Variants in ZSWIM8 observed in about 807,000 individuals in gnomAD.
The protein encoded by ZSWIM8 is zinc finger SWIM-type containing 8.
ZSWIM8 carries 27 observed loss-of-function variants against 173.7 expected under a neutral mutation model. That is an observed-to-expected ratio of 0.16 (90% CI 0.11 to 0.21). The LOEUF is 0.21. Among genes scored for constraint, ZSWIM8 ranks in the 10% least tolerant of loss-of-function variants. ZSWIM8 has a pLI of 1.00. For synonymous variants in ZSWIM8, 958 were observed against 962.0 expected (o/e 1.00, Z 0.08); for missense variants, 1,627 against 2,428.8 (o/e 0.67, Z 6.94).
rs567195574 is a variant in ZSWIM8, at chr10:73,791,378, G to T, written c.1198G>T (p.Gly400Trp). 1 of 1,613,824 alleles carries T rather than the reference G, an allele frequency of 6.2e-7. No individual in the cohort carries two copies. Among genetic ancestry groups the T allele is most frequent in the African/African-American group, 1.3e-5 (1 of 75,050 alleles). ...RTSASHSSAS[G>W]HTGRSNGQSE... ...CTCAGCCTCACACAGCAGTGCCAGTGGGCACACGGGCCGTAGCAACGGGCA... is the reference window on the plus strand; with the variant it reads ...CTCAGCCTCACACAGCAGTGCCAGTTGGCACACGGGCCGTAGCAACGGGCA... Residue 400 changes from glycine (G) to tryptophan (W), a missense_variant, in exon 9 of 26, where the codon GGG becomes TGG. Physicochemically the swap from Gly to Trp is radical, Grantham distance 184. Coordinates refer to ENST00000604729, the MANE Select transcript of ZSWIM8 (RefSeq NM_001367799.1). This position sits in a 1 kb window ranked among gnomAD's most constrained non-coding sequence, Gnocchi z 6.0.
Position 73,792,223 on chromosome 10 carries a change from G to T in ZSWIM8, c.1684G>T (p.Gly562Cys). Residue 562 changes from glycine to cysteine, a missense_variant, in exon 10 of 26, where the codon GGT (glycine) becomes TGT (cysteine). Coordinates refer to ENST00000604729, the MANE Select transcript of ZSWIM8 (RefSeq NM_001367799.1). This position sits in a 1 kb window ranked among gnomAD's most constrained non-coding sequence, Gnocchi z 4.3. ...LGEGVPSSQR[G>C]PRRLSAEGGD... ...TGAGGGGGTCCCCTCATCACAGCGG[G>T]GTCCCCGCCGCCTCTCAGCTGAAGG... 6.4e-7 allele frequency: 1 copy of T among 1,553,454 alleles called. No homozygotes were observed. Among genetic ancestry groups the T allele is most frequent in the Non-Finnish European group, 8.7e-7 (1 of 1,149,532 alleles).
chr10:73,793,487 T>A (rs2083495503), intron 10 of ZSWIM8, 101 bp from the exon 11 acceptor site: 1 of 1,368,676 alleles, frequency 7.3e-7, no homozygotes, highest in African/African-American at 1.4e-5. Context: ...GGGCCTGGCA[T>A]GTAGCAAGTG....
In ZSWIM8 at chr10:73,788,657, A is replaced by G. The variant is rs2132659850; in HGVS notation, c.209-13A>G. ...TATTCTCTTTCCCCTGATCCCAACC[A>G]TTGTTTGCAAAGATGGACTGGTGAT... On this transcript the variant is annotated splice_polypyrimidine_tract_variant and intron_variant, in intron 1 of 25. Coordinates refer to ENST00000604729, the MANE Select transcript of ZSWIM8 (RefSeq NM_001367799.1). The G allele has an allele frequency of 1.2e-6, 2 of 1,613,630 alleles. No homozygotes were observed. Among genetic ancestry groups the G allele is most frequent in the African/African-American group, 1.3e-5 (1 of 75,012 alleles).
rs1199944161 is a variant in ZSWIM8, at chr10:73,801,595, C to T, written c.*76C>T. 6.4e-7 allele frequency: 1 copy of T among 1,562,232 alleles called. No homozygotes were observed. Among genetic ancestry groups the T allele is most frequent in the African/African-American group, 1.4e-5 (1 of 73,664 alleles). ...GGCCCCTCACACAGGGGGAGTGAAACTTGGCTGGACAGATCATCCTCACTC... is the reference window on the plus strand; with the variant it reads ...GGCCCCTCACACAGGGGGAGTGAAATTTGGCTGGACAGATCATCCTCACTC... On this transcript the variant is annotated 3_prime_UTR_variant, in exon 26 of 26. Transcript: ENST00000604729. This position sits in a 1 kb window ranked among gnomAD's most constrained non-coding sequence, Gnocchi z 4.9.
chr10:73,800,543 A>G lies in ZSWIM8; in HGVS notation c.5002+71A>G, dbSNP rs1176194004. The G allele has an allele frequency of 1.2e-6, 2 of 1,603,174 alleles. No homozygotes were observed. Among genetic ancestry groups the G allele is most frequent in the African/African-American group, 1.3e-5 (1 of 74,776 alleles). ...TGGCTCTTCAGAGGACCCTTCCTCT[A>G]GCTCTTCATTTGTTTACTGTGGGGT... On this transcript the variant is annotated intron_variant, in intron 23 of 25. Transcript: ENST00000604729. This position sits in a 1 kb window ranked among gnomAD's most constrained non-coding sequence, Gnocchi z 4.1.
intron 21 of ZSWIM8, 82 bp downstream of exon 21, chr10:73,799,572 T>TATA (rs1477450524): frequency 1.3e-6 from 2 of 1,541,722 alleles, no homozygotes; most frequent in East Asian, 2.4e-5. Flanking sequence ...ACTCTGGGAG[T>TATA]ATAATTGGTC....
rs1268923001 is a variant in ZSWIM8, at chr10:73,789,177, C to T, written c.444C>T (p.Asp148=). 1.9e-6 allele frequency: 3 copies of T among 1,613,874 alleles called. No homozygotes were observed. In the African/African-American group the frequency reaches 4.0e-5, roughly 22 times the overall value. ...DQLFRMRAVK[D]PLQIGFHLSA... is the part of the protein sequence containing the mutation. ...TCTTCCGCATGCGGGCTGTGAAGGA[C>T]CCATTGCAGATAGGTGAGTGGGCCA... The change falls in exon 3 of 26, where the codon GAC becomes GAT. Residue 148 remains aspartate, a synonymous_variant. Transcript: ENST00000604729. This position sits in a 1 kb window ranked among gnomAD's most constrained non-coding sequence, Gnocchi z 6.8.
At chr10:73,787,707 G>A (rs1169155261) in intron 1 of ZSWIM8, among the ~76,000 whole-genome samples, 1 of 151,980 alleles carries the variant, frequency 6.6e-6, no homozygotes, top group East Asian at 1.9e-4. Context: ...CAAAAGATTC[G>A]CTGGGTGTGT....
chr10:73,800,286 C>G lies in ZSWIM8; in HGVS notation c.4826-10C>G. ...CTCTGAGTTCCTCACATGGCTCTCA[C>G]CCCACTTAGTGAGCAGTGTCCATCC... On this transcript the variant is annotated splice_polypyrimidine_tract_variant and intron_variant, in intron 22 of 25. Transcript: ENST00000604729. This position sits in a 1 kb window ranked among gnomAD's most constrained non-coding sequence, Gnocchi z 4.1. 1 of 1,613,558 alleles carries G rather than the reference C, an allele frequency of 6.2e-7. No homozygotes were observed. Among genetic ancestry groups the G allele is most frequent in the South Asian group, 1.1e-5 (1 of 91,072 alleles).
intron 1 of ZSWIM8, 112 bp from the exon 2 acceptor site, chr10:73,788,558 C>CT: frequency 7.5e-7 from 1 of 1,333,154 alleles, no homozygotes; most frequent in Non-Finnish European, 1.0e-6. Flanking sequence ...TCTCTTCTTT[C>CT]TTTCATAGTG....
At position 73,790,306 on chromosome 10, in the gene ZSWIM8, C is replaced by A; in HGVS notation, c.941+14C>A. ...TGTGGTCTTCAGGTAAATCGGATCT[C>A]TGCATACCTGTGTCTGTGGTGGAGG... On this transcript the variant is annotated intron_variant, in intron 7 of 25. Coordinates refer to ENST00000604729, the MANE Select transcript of ZSWIM8 (RefSeq NM_001367799.1). 1 of 1,585,760 alleles carries A rather than the reference C, an allele frequency of 6.3e-7. No homozygotes were observed. Among genetic ancestry groups the A allele is most frequent in the South Asian group, 1.2e-5 (1 of 85,710 alleles).
rs745795744 is a variant in ZSWIM8 at position 73,800,675 on chromosome 10, CACA to C, written c.5041_5043del (p.Asn1681del). 1.2e-6 allele frequency: 2 copies of C among 1,613,800 alleles called. No individual in the cohort carries two copies. Among genetic ancestry groups the C allele is most frequent in the East Asian group, 2.2e-5 (1 of 44,872 alleles). Reference sequence around the variant, plus strand: ...ACTGGAGATGCTGGGTCGCCGGGCACACAACGATCACCCCAACAACTTCTCCCG... The same window carrying C: ...ACTGGAGATGCTGGGTCGCCGGGCACACGATCACCCCAACAACTTCTCCCG... On this transcript the variant is annotated inframe_deletion, in exon 24 of 26. Transcript: ENST00000604729. The surrounding 1 kb of genome is among the most constrained non-coding windows in gnomAD (Gnocchi z 4.1).
At position 73,792,420 on chromosome 10, in the gene ZSWIM8, C is replaced by T. The variant is rs2132699328; in HGVS notation, c.1881C>T (p.Ser627=). The T allele has an allele frequency of 6.2e-7, 1 of 1,604,198 alleles. No individual in the cohort carries two copies. The stretch of plus-strand genomic sequence containing the variant: ...CCGAGATGAGCCTGGATGACAGCAG[C>T]CTGGCCCTGGGCGCAGAGGCCAGCA... ...DLAEMSLDDS[S]LALGAEASTF... is the part of the protein sequence containing the mutation. Residue 627 remains serine, a synonymous_variant, in exon 10 of 26, where the codon AGC becomes AGT. Coordinates refer to ENST00000604729, the MANE Select transcript of ZSWIM8 (RefSeq NM_001367799.1). This position sits in a 1 kb window ranked among gnomAD's most constrained non-coding sequence, Gnocchi z 4.3.
At chr10:73,787,923 C>G (rs2083282263) in intron 1 of ZSWIM8, among the ~76,000 whole-genome samples, 1 of 152,050 alleles carries the variant, frequency 6.6e-6, no homozygotes, top group African/African-American at 2.4e-5. Flanking sequence ...CTTTTTAATT[C>G]TATGATTTTC....
At chr10:73,798,801 T>C (rs1331436105) in intron 20 of ZSWIM8, among the ~76,000 whole-genome samples, 1 of 152,198 alleles carries the variant, frequency 6.6e-6, no homozygotes, top group Non-Finnish European at 1.5e-5. Flanking sequence ...GACTATAACC[T>C]GGGTCTTGAC....
chr10:73,799,512 G>C, intron 21 of ZSWIM8, 22 bp downstream of exon 21: 1 of 1,590,032 alleles, frequency 6.3e-7, no homozygotes, highest in Non-Finnish European at 8.6e-7. Flanking sequence ...GTTCTGCTGG[G>C]GGGTAAGGCA....
Position 73,797,474 on chromosome 10 carries a change from C to T in ZSWIM8, c.3531C>T (p.Ser1177=). 6.2e-7 allele frequency: 1 copy of T among 1,613,962 alleles called. No homozygotes were observed. Among genetic ancestry groups the T allele is most frequent in the South Asian group, 1.1e-5 (1 of 91,080 alleles). The change falls in exon 18 of 26, where the codon TCC becomes TCT. Residue 1177 remains serine, a synonymous_variant. Transcript: ENST00000604729. This position sits in a 1 kb window ranked among gnomAD's most constrained non-coding sequence, Gnocchi z 5.6. The part of the protein sequence containing the change: ...RPLRGGWAPT[S]WGRGQDSDSI... ...TTCGAGGGGGCTGGGCCCCCACCTC[C>T]TGGGGTCGAGGTCAGGACAGTGACA...
At chr10:73,796,219 C>T (rs1002055580) in intron 15 of ZSWIM8, 18 of 204,126 alleles carry the variant, frequency 8.8e-5, no homozygotes, top group African/African-American at 3.1e-4. Context: ...CATGGTGGCG[C>T]GCGCCTGTAG....
chr10:73,790,786 T>C (rs938983126), intron 7 of ZSWIM8, among the ~76,000 whole-genome samples, 189 bp from the exon 8 acceptor site: 3 of 151,902 alleles, frequency 2.0e-5, no homozygotes, highest in Admixed American at 1.3e-4. Flanking sequence ...GAGGTGGAGG[T>C]TGCAGTGAGG....
Sources: allele counts gnomAD v4.1 joint callset (sites outside exome capture counted in the v4.1 genomes callset), GRCh38; gene constraint gnomAD v4.1.1; non-coding constraint Gnocchi (gnomAD v3.1); transcripts MANE v1.5; gene names NCBI Gene and HGNC (gene_info 2026-07-23, HGNC 2026-07-21).